RBPMS: variants seen among roughly 807,000 people sequenced by gnomAD.
RBPMS encodes the protein RNA-binding protein with multiple splicing.
In RBPMS, 7 loss-of-function variants were observed where a neutral mutation model predicts 26.8. The ratio of observed to expected loss-of-function variants is 0.26; its 90% CI spans 0.15 to 0.49. The LOEUF (loss-of-function observed/expected upper bound fraction) is 0.49, where lower values mean the gene tolerates loss of function less well. RBPMS is among the 20% of genes least tolerant of loss of function. The pLI, the probability that RBPMS is intolerant of heterozygous loss-of-function variation, is 0.98. For missense variants in RBPMS, 186 were observed against 250.0 expected (o/e 0.74, Z 1.73); for synonymous variants, 96 against 93.3 (o/e 1.03, Z -0.17).
intron 5 of RBPMS, among the ~76,000 whole-genome samples, chr8:30,524,491 A>G (rs540295363): frequency 1.3e-5 from 2 of 152,278 alleles, no homozygotes; most frequent in East Asian, 3.9e-4. Context: ...AGGTCTATAT[A>G]TGTAAATTTT....
chr8:30,462,700 C>T (rs954234558), intron 1 of RBPMS, among the ~76,000 whole-genome samples: 6 of 152,062 alleles, frequency 3.9e-5, no homozygotes, highest in African/African-American at 1.2e-4. Flanking sequence ...GTGCTGGGAT[C>T]ACAGACGTGA....
chr8:30,512,702 G>A (rs1392544587), intron 5 of RBPMS, among the ~76,000 whole-genome samples: 2 of 152,106 alleles, frequency 1.3e-5, no homozygotes, highest in Non-Finnish European at 2.9e-5. Flanking sequence ...GCCTCCCAAA[G>A]TGCTGAGATT....
intron 1 of RBPMS, among the ~76,000 whole-genome samples, chr8:30,438,049 A>C (rs1812666489): frequency 6.6e-6 from 1 of 152,186 alleles, no homozygotes; most frequent in Non-Finnish European, 1.5e-5. Context: ...ATAGCTATTT[A>C]TTACTTATTA....
chr8:30,570,001 C>CCACT (rs1196734844), intron 8 of RBPMS, among the ~76,000 whole-genome samples: 2 of 152,184 alleles, frequency 1.3e-5, no homozygotes, highest in African/African-American at 4.8e-5. Context: ...TACCCGCTAC[C>CCACT]CACTCATACT....
chr8:30,388,895 A>G (rs1296133835), intron 1 of RBPMS, among the ~76,000 whole-genome samples: 8 of 152,176 alleles, frequency 5.3e-5, no homozygotes, highest in Non-Finnish European at 1.2e-4. Context: ...GTGTTGGAAT[A>G]TTGATCAAAA....
At chr8:30,452,944 A>C (rs533083148) in intron 1 of RBPMS, among the ~76,000 whole-genome samples, 1 of 152,162 alleles carries the variant, frequency 6.6e-6, no homozygotes, top group Non-Finnish European at 1.5e-5. Context: ...TTCAGAGCAA[A>C]TTGAGGGTTA....
chr8:30,408,026 T>C (rs1808852787), intron 1 of RBPMS, among the ~76,000 whole-genome samples: 1 of 152,106 alleles, frequency 6.6e-6, no homozygotes, highest in South Asian at 2.1e-4. Context: ...CAATCAGTAA[T>C]GTGGAAACTA....
intron 1 of RBPMS, among the ~76,000 whole-genome samples, chr8:30,419,466 G>T (rs894144063): frequency 1.3e-5 from 2 of 151,636 alleles, no homozygotes; most frequent in South Asian, 4.2e-4. Flanking sequence ...GTGTGTGTGT[G>T]TGTGTGTGTG....
chr8:30,558,621 G>A, intron 6 of RBPMS: 1 of 565,388 alleles, frequency 1.8e-6, no homozygotes, highest in South Asian at 2.0e-5. Flanking sequence ...GAGGATGAGA[G>A]CAGAGGAGTT....
intron 1 of RBPMS, among the ~76,000 whole-genome samples, chr8:30,443,158 A>G (rs1813320491): frequency 6.6e-6 from 1 of 152,152 alleles, no homozygotes; most frequent in Non-Finnish European, 1.5e-5. Context: ...AATCTGGAAT[A>G]TGTTGCGTGG....
intron 1 of RBPMS, chr8:30,444,632 G>A (rs1813517449): frequency 6.6e-6 from 1 of 152,170 alleles, no homozygotes; most frequent in Non-Finnish European, 1.5e-5. Flanking sequence ...GCCTACATAA[G>A]TATCTGTGTG....
intron 5 of RBPMS, among the ~76,000 whole-genome samples, chr8:30,508,998 T>A (rs1440983713): frequency 6.6e-6 from 1 of 152,146 alleles, no homozygotes; most frequent in African/African-American, 2.4e-5. Flanking sequence ...GCTCCAGAAC[T>A]CTGCAGTAAT....
intron 1 of RBPMS, among the ~76,000 whole-genome samples, chr8:30,408,604 C>G (rs1383078680): frequency 6.6e-6 from 1 of 152,172 alleles, no homozygotes; most frequent in Non-Finnish European, 1.5e-5. Context: ...GCTCCTTGAT[C>G]AAAGATTTGA....
intron 1 of RBPMS, among the ~76,000 whole-genome samples, chr8:30,450,583 G>A (rs1181508941): frequency 6.6e-6 from 1 of 152,044 alleles, no homozygotes; most frequent in African/African-American, 2.4e-5. Flanking sequence ...TGCTGTCCAG[G>A]CCTTCAGTTC....
chr8:30,544,998 A>G, intron 6 of RBPMS: 1 of 1,448,640 alleles, frequency 6.9e-7, no homozygotes, highest in Non-Finnish European at 9.0e-7. Flanking sequence ...GTGTGCTAGG[A>G]GAAGGGGATA....
At chr8:30,518,714 T>TTTTTTTTTTTTTC (rs1822651142) in intron 5 of RBPMS, among the ~76,000 whole-genome samples, 1 of 133,726 alleles carries the variant, frequency 7.5e-6, no homozygotes, top group African/African-American at 3.0e-5. Context: ...TTTTTTTTTT[T>TTTTTTTTTTTTTC]TCTGAAAAGG....
chr8:30,454,487 A>G (rs1814968684), intron 1 of RBPMS, among the ~76,000 whole-genome samples: 1 of 152,154 alleles, frequency 6.6e-6, no homozygotes, highest in Admixed American at 6.5e-5. Flanking sequence ...CCTTTTCTTA[A>G]CATTAAACTT....
At chr8:30,445,649 G>GATAGATATATATATATATATATATAT (rs1813650088) in intron 1 of RBPMS, among the ~76,000 whole-genome samples, 1 of 107,368 alleles carries the variant, frequency 9.3e-6, no homozygotes, top group Non-Finnish European at 1.9e-5. Context: ...TATACACACG[G>GATAGATATATATATATATATATATAT]ATATATATAT....
chr8:30,522,944 T>G (rs1326786368), intron 5 of RBPMS, among the ~76,000 whole-genome samples: 4 of 152,234 alleles, frequency 2.6e-5, no homozygotes, highest in Non-Finnish European at 1.5e-5. Flanking sequence ...AATAATGCTT[T>G]CTTGACTAGT....
Sources: allele counts gnomAD v4.1 joint callset (sites outside exome capture counted in the v4.1 genomes callset), GRCh38; gene constraint gnomAD v4.1.1; transcripts MANE v1.5; gene names NCBI Gene and HGNC (gene_info 2026-07-23, HGNC 2026-07-21).